The following RCAN1 variants were observed in gnomAD, a reference collection of about 807,000 sequenced individuals.
RCAN1 encodes calcipressin-1.
Under a neutral mutation model 22.9 loss-of-function variants are expected in RCAN1, and 11 were observed. The ratio of observed to expected loss-of-function variants is 0.48; its 90% CI spans 0.30 to 0.79. The LOEUF is 0.79. Among genes scored for constraint, RCAN1 ranks in the 30% least tolerant of loss-of-function variants. The pLI is 0.06. For synonymous variants in RCAN1, 136 were observed against 142.3 expected, an observed-to-expected ratio of 0.96 and a Z score of 0.32; for missense variants, 291 against 337.8, an observed-to-expected ratio of 0.86 and a Z score of 1.09.
At chr21:34,577,870 G>C (rs1198678441) in intron 1 of RCAN1, among the ~76,000 whole-genome samples, 1 of 152,178 alleles carries the variant, frequency 6.6e-6, no homozygotes, top group Non-Finnish European at 1.5e-5. Flanking sequence ...CCACTTTCTA[G>C]CACAAACAGT....
At chr21:34,566,523 G>A (rs755511510) in intron 1 of RCAN1, among the ~76,000 whole-genome samples, 3 of 151,818 alleles carry the variant, frequency 2.0e-5, no homozygotes, top group South Asian at 2.1e-4. Context: ...ATGGAGAGTG[G>A]GACCAGGCCT....
rs73352079 is a variant in RCAN1 at position 34,576,689 on chromosome 21, G to A, written c.252+38071C>T. ...GGTCAATGTCTGTGAATGTTTCAAAGTTTAAACTGGATGGAGTTTACTGAG... is the reference window on the plus strand; with the variant it reads ...GGTCAATGTCTGTGAATGTTTCAAAATTTAAACTGGATGGAGTTTACTGAG... On this transcript the variant is annotated intron_variant, in intron 1 of 3. Coordinates refer to ENST00000313806, the MANE Select transcript of RCAN1 (RefSeq NM_004414.7). Among the ~76,000 whole-genome samples, 801 of 152,276 alleles carry A rather than the reference G, an allele frequency of 5.3e-3. 6 individuals carry two copies. The highest frequency in any genetic ancestry group is 0.018 in the African/African-American group (764 of 41,548).
intron 1 of RCAN1, among the ~76,000 whole-genome samples, chr21:34,565,616 G>A (rs1011019565): frequency 2.0e-5 from 3 of 152,172 alleles, no homozygotes; most frequent in African/African-American, 7.2e-5. Flanking sequence ...TATATGTATT[G>A]AACAAACTGT....
chr21:34,541,558 A>T (rs1985913115), intron 1 of RCAN1, among the ~76,000 whole-genome samples: 1 of 152,090 alleles, frequency 6.6e-6, no homozygotes, highest in South Asian at 2.1e-4. Flanking sequence ...TTTGCATGGC[A>T]TTGGGTTAGT....
chr21:34,600,513 G>A (rs1336864092), intron 1 of RCAN1, among the ~76,000 whole-genome samples: 1 of 152,134 alleles, frequency 6.6e-6, no homozygotes. Flanking sequence ...GGAAGATCAG[G>A]AGAGAGGGAG....
intron 1 of RCAN1, among the ~76,000 whole-genome samples, chr21:34,607,155 G>C (rs1988551311): frequency 6.6e-6 from 1 of 152,148 alleles, no homozygotes; most frequent in South Asian, 2.1e-4. Context: ...AGTTATAAAA[G>C]GTTTAGCTTC....
intron 1 of RCAN1, among the ~76,000 whole-genome samples, chr21:34,606,347 T>C (rs1988525811): frequency 6.6e-6 from 1 of 152,152 alleles, no homozygotes; most frequent in African/African-American, 2.4e-5. Context: ...GCAACATATT[T>C]TTATACTTTC....
intron 1 of RCAN1, among the ~76,000 whole-genome samples, chr21:34,586,645 A>G (rs1282195580): frequency 1.3e-5 from 2 of 152,212 alleles, no homozygotes; most frequent in Non-Finnish European, 2.9e-5. Context: ...ACAGAACAAG[A>G]GATTAAAGAA....
intron 1 of RCAN1, among the ~76,000 whole-genome samples, chr21:34,599,706 C>T (rs1988271470): frequency 6.6e-6 from 1 of 152,036 alleles, no homozygotes; most frequent in Non-Finnish European, 1.5e-5. Context: ...GATGGGATAC[C>T]AACTATTACT....
chr21:34,532,488 G>A (rs1055004803), intron 1 of RCAN1, among the ~76,000 whole-genome samples: 3 of 152,176 alleles, frequency 2.0e-5, no homozygotes, highest in Non-Finnish European at 2.9e-5. Context: ...GGTTCTAAAC[G>A]GTGAACCTCC....
At chr21:34,573,729 A>G (rs1219126104) in intron 1 of RCAN1, among the ~76,000 whole-genome samples, 2 of 152,184 alleles carry the variant, frequency 1.3e-5, no homozygotes, top group African/African-American at 4.8e-5. Context: ...TGGTATGTCA[A>G]TAAGGAGCAT....
intron 1 of RCAN1, among the ~76,000 whole-genome samples, chr21:34,551,523 CA>C (rs1458226695): frequency 6.6e-6 from 1 of 152,224 alleles, no homozygotes; most frequent in East Asian, 1.9e-4. Flanking sequence ...ACTGGTTCAA[CA>C]ATTCTTCAGC....
intron 1 of RCAN1, among the ~76,000 whole-genome samples, chr21:34,595,930 G>A (rs1347703539): frequency 1.3e-5 from 2 of 152,238 alleles, no homozygotes; most frequent in Admixed American, 6.5e-5. Flanking sequence ...GCAGATGCAG[G>A]CCAAGCTCCC....
In RCAN1 at chr21:34,517,693, G is replaced by A. The variant is rs1984144109; in HGVS notation, c.*391C>T. 2 of 180,634 alleles carry A rather than the reference G, an allele frequency of 1.1e-5. No individual in the cohort carries two copies. Among genetic ancestry groups the A allele is most frequent in the African/African-American group, 4.7e-5 (2 of 42,286 alleles). 11.2% of individuals were successfully genotyped at this position (180,634 alleles called of 1,614,324 possible). On this transcript the variant is annotated 3_prime_UTR_variant, in exon 4 of 4. Transcript: ENST00000313806. ...CCTGTGGTACCTCTTCCTACCAGTA[G>A]AGAGTGGCCCCTGCAGGCCACTTAG...
intron 1 of RCAN1, among the ~76,000 whole-genome samples, chr21:34,544,882 C>T (rs868811243): frequency 6.6e-6 from 1 of 152,176 alleles, no homozygotes; most frequent in Admixed American, 6.5e-5. Flanking sequence ...AGTGAGGGCA[C>T]CTTGTGGGCA....
chr21:34,528,065 T>C (rs77086229), intron 1 of RCAN1, among the ~76,000 whole-genome samples: 3,801 of 152,244 alleles, frequency 0.025, 123 homozygotes, highest in African/African-American at 0.07. Context: ...TTCTTCTCAC[T>C]CTCTCCAATT....
At chr21:34,546,441 A>C (rs781560591) in intron 1 of RCAN1, among the ~76,000 whole-genome samples, 60 of 152,134 alleles carry the variant, frequency 3.9e-4, no homozygotes, top group Non-Finnish European at 8.1e-4. Context: ...CTAACTTAAA[A>C]TAATTTACTT....
At chr21:34,520,862 C>T (rs542011705) in intron 3 of RCAN1, among the ~76,000 whole-genome samples, 53 of 152,328 alleles carry the variant, frequency 3.5e-4, no homozygotes, top group African/African-American at 1.2e-3. Flanking sequence ...TTAAGGCCCA[C>T]ATTTTGGACA....
At chr21:34,537,035 C>T (rs1008306410) in intron 1 of RCAN1, among the ~76,000 whole-genome samples, 6 of 152,352 alleles carry the variant, frequency 3.9e-5, no homozygotes, top group Middle Eastern at 3.4e-3. Context: ...ATTTGGCCTG[C>T]ATTCTTTGCT....
Sources: allele counts gnomAD v4.1 joint callset (sites outside exome capture counted in the v4.1 genomes callset), GRCh38; gene constraint gnomAD v4.1.1; transcripts MANE v1.5; gene names NCBI Gene and HGNC (gene_info 2026-07-23, HGNC 2026-07-21).